PBRM1: variants seen among roughly 807,000 people sequenced by gnomAD.
The protein encoded by PBRM1 is protein polybromo-1.
In PBRM1, 27 loss-of-function variants were observed where a neutral mutation model predicts 194.5. The observed-to-expected ratio is 0.14, with a 90% confidence interval of 0.10 to 0.19. The LOEUF (loss-of-function observed/expected upper bound fraction) is 0.19. PBRM1 is among the 10% of genes least tolerant of loss of function. The probability of loss-of-function intolerance (pLI) is 1.00; values close to 1 mark genes in which losing one functional copy is unlikely to be tolerated. For missense variants in PBRM1, 1,466 were observed against 2,077.2 expected (o/e 0.71, Z 5.72); for synonymous variants, 655 against 693.2 (o/e 0.94, Z 0.87).
intron 14 of PBRM1, among the ~76,000 whole-genome samples, chr3:52,616,556 G>A (rs1008585593): frequency 6.6e-5 from 10 of 152,142 alleles, no homozygotes; most frequent in African/African-American, 2.2e-4. Flanking sequence ...AGCTGGGCGT[G>A]GTGGTGGGCA....
chr3:52,620,693 G>C (rs2095237837), intron 13 of PBRM1, among the ~76,000 whole-genome samples: 1 of 152,176 alleles, frequency 6.6e-6, no homozygotes, highest in African/African-American at 2.4e-5. Flanking sequence ...GACATACCCA[G>C]AATGTGGAAA....
At chr3:52,589,690 T>C (rs1452376018) in intron 17 of PBRM1, among the ~76,000 whole-genome samples, 1 of 152,186 alleles carries the variant, frequency 6.6e-6, no homozygotes, top group African/African-American at 2.4e-5. Context: ...TATGACACAT[T>C]TAATGGAGTC....
At chr3:52,662,138 C>T (rs1261727399) in exon 4 of PBRM1, 2 of 1,613,704 alleles carry the variant, frequency 1.2e-6, no homozygotes, top group African/African-American at 1.3e-5. Context: ...CTTACTCCTT[C>T]AGTCACTGTG....
chr3:52,607,017 A>T (rs895308822), intron 16 of PBRM1, among the ~76,000 whole-genome samples: 5 of 152,144 alleles, frequency 3.3e-5, no homozygotes, highest in Non-Finnish European at 7.3e-5. Flanking sequence ...GGTAGGGGTA[A>T]ATGGTGATGA....
chr3:52,647,589 TGATG>T (rs935277849), intron 7 of PBRM1, among the ~76,000 whole-genome samples: 13 of 150,888 alleles, frequency 8.6e-5, no homozygotes, highest in Non-Finnish European at 1.6e-4. Flanking sequence ...ATCTATCAAC[TGATG>T]AATGGGTAAA....
At position 52,612,258 on chromosome 3, in the gene PBRM1, C is replaced by CAAAAAAAAAAAA. The variant is rs566481465; in HGVS notation, c.1925-2315_1925-2304dup. On this transcript the variant is annotated intron_variant, in intron 15 of 29. Transcript: ENST00000296302. Reference sequence around the variant, plus strand: ...TAGGCAACAGAGCGAGATTCCGTCTCAAAAAAAAAAAAAAAAAAAAAAAAG... The same window carrying CAAAAAAAAAAAA: ...TAGGCAACAGAGCGAGATTCCGTCTCAAAAAAAAAAAAAAAAAAAAAAAAAAAAAAAAAAAAG... Among the ~76,000 whole-genome samples the CAAAAAAAAAAAA allele has an allele frequency of 9.7e-3, 233 of 24,002 alleles. 40 individuals carry two copies. The highest frequency in any genetic ancestry group is 0.012 in the Non-Finnish European group (160 of 12,908). 15.7% of individuals were successfully genotyped at this position (24,002 alleles called of 152,430 possible).
chr3:52,637,714 G>A (rs2095872806), intron 10 of PBRM1, among the ~76,000 whole-genome samples: 1 of 146,416 alleles, frequency 6.8e-6, no homozygotes, highest in South Asian at 2.2e-4. Flanking sequence ...GATCATTTGA[G>A]GCCAGGAGTT....
intron 23 of PBRM1, 28 bp downstream of exon 25, chr3:52,564,019 CTCT>C (rs954666820): frequency 1.3e-6 from 2 of 1,499,588 alleles, no homozygotes; most frequent in African/African-American, 1.4e-5. Flanking sequence ...AATGGAAGTG[CTCT>C]TTTTTCCTTA....
intron 10 of PBRM1, among the ~76,000 whole-genome samples, chr3:52,637,133 G>C (rs2153667807): frequency 6.6e-6 from 1 of 152,186 alleles, no homozygotes; most frequent in African/African-American, 2.4e-5. Flanking sequence ...CCTGCAGTTG[G>C]ATTTACACCT....
At chr3:52,576,461 A>G (rs2153656626) in intron 22 of PBRM1, 80 bp downstream of exon 24, 3 of 1,130,884 alleles carry the variant, frequency 2.7e-6, no homozygotes, top group South Asian at 1.6e-5. Context: ...CCTAACACCT[A>G]GAACAGTGCC....
chr3:52,580,096 T>G (rs1372149672), intron 20 of PBRM1, among the ~76,000 whole-genome samples: 3 of 152,062 alleles, frequency 2.0e-5, no homozygotes, highest in Admixed American at 2.0e-4. Flanking sequence ...AAAAATTAGC[T>G]GTCTTTGGTG....
At chr3:52,586,710 A>C (rs2153778806) in intron 19 of PBRM1, 22 bp from the exon 22 acceptor site, 1 of 1,460,530 alleles carries the variant, frequency 6.8e-7, no homozygotes, top group Non-Finnish European at 9.4e-7. Flanking sequence ...GGAGGGCATA[A>C]GAATAAAACT....
chr3:52,577,847 T>C (rs1411001837), intron 21 of PBRM1, among the ~76,000 whole-genome samples: 1 of 152,166 alleles, frequency 6.6e-6, no homozygotes, highest in African/African-American at 2.4e-5. Flanking sequence ...GGCAGAGCAA[T>C]CCTATTAAGA....
At chr3:52,643,067 C>T (rs1007512812) in intron 9 of PBRM1, among the ~76,000 whole-genome samples, 181 bp downstream of exon 10, 1 of 152,192 alleles carries the variant, frequency 6.6e-6, no homozygotes, top group African/African-American at 2.4e-5. Context: ...GGATTACAGG[C>T]GTGAGCCACT....
intron 17 of PBRM1, among the ~76,000 whole-genome samples, chr3:52,599,018 C>CAAAAAAAAAAAAAAAAAAAAAAAAAAAAA (rs59170143): frequency 8.7e-6 from 1 of 114,384 alleles, no homozygotes; most frequent in Non-Finnish European, 1.8e-5. Flanking sequence ...CCAGATATCT[C>CAAAAAAAAAAAAAAAAAAAAAAAAAAAAA]AAAAAAAAAA....
intron 22 of PBRM1, among the ~76,000 whole-genome samples, chr3:52,565,320 A>G (rs1438586032): frequency 2.0e-5 from 3 of 151,984 alleles, no homozygotes; most frequent in African/African-American, 7.2e-5. Context: ...AGCCTGGCCA[A>G]CATGGTGAAA....
At chr3:52,567,583 A>G (rs2085694139) in intron 22 of PBRM1, among the ~76,000 whole-genome samples, 1 of 148,614 alleles carries the variant, frequency 6.7e-6, no homozygotes, top group African/African-American at 2.5e-5. Flanking sequence ...AAAAAAAAAG[A>G]AAAAAGAAAA....
At chr3:52,601,777 G>T (rs946747823) in intron 17 of PBRM1, among the ~76,000 whole-genome samples, 1 of 152,132 alleles carries the variant, frequency 6.6e-6, no homozygotes, top group Admixed American at 6.5e-5. Context: ...GCAGTGGATC[G>T]AGCAGGTGGG....
At position 52,640,649 on chromosome 3, in the gene PBRM1, T is replaced by A. The variant is rs188937805; in HGVS notation, c.1087+1305A>T. ...TTGTAACCAGCCATATAACCTCTTT[T>A]TCTTCCCCCCAAGACAGAGTCTTGC... is the stretch of plus-strand genomic sequence containing the variant. On this transcript the variant is annotated intron_variant, in intron 10 of 29. Coordinates refer to ENST00000296302, the Ensembl canonical transcript of PBRM1. Among the ~76,000 whole-genome samples, 31 of 149,532 alleles carry A rather than the reference T, an allele frequency of 2.1e-4. No individual in the cohort carries two copies. The East Asian group carries it at 5.8e-3, about 28-fold the overall frequency.
Sources: gnomAD v4.1 joint callset for allele counts (sites outside exome capture counted in the v4.1 genomes callset) on GRCh38, gnomAD v4.1.1 for gene constraint, MANE v1.5 for transcripts, NCBI Gene and HGNC (gene_info 2026-07-23, HGNC 2026-07-21) for gene names.